CNTNAP5: variants seen among roughly 807,000 people sequenced by gnomAD.
The protein encoded by CNTNAP5 is contactin associated protein family member 5.
CNTNAP5 carries 72 observed loss-of-function variants against 150.2 expected under a neutral mutation model. The ratio of observed to expected loss-of-function variants is 0.48; its 90% CI spans 0.40 to 0.58. The LOEUF is 0.58. CNTNAP5 is among the 20% of genes least tolerant of loss of function. CNTNAP5 has a pLI of 0.00. For missense variants in CNTNAP5, 1,636 were observed against 1,626.2 expected, an observed-to-expected ratio of 1.01 and a Z score of -0.10; for synonymous variants, 672 against 619.8, an observed-to-expected ratio of 1.08 and a Z score of -1.25.
At chr2:124,091,025 GT>G (rs772960225) in intron 1 of CNTNAP5, among the ~76,000 whole-genome samples, 8 of 152,204 alleles carry the variant, frequency 5.3e-5, no homozygotes, top group African/African-American at 7.2e-5. Flanking sequence ...CCTGGGGGAA[GT>G]GTGGAGATTA....
rs560454502 is a variant in CNTNAP5, at chr2:124,312,712, A to G, written c.381+70319A>G. Among the ~76,000 whole-genome samples, 21 of 152,332 alleles carry G rather than the reference A, an allele frequency of 1.4e-4. 1 individual carries two copies. In the East Asian group the frequency reaches 4.1e-3, roughly 29 times the overall value. ...CAGCCTCCCGAGTAGCTGGGACTAC[A>G]GGCGCTCGCCACAGCACCCGGCTAA... On this transcript the variant is annotated intron_variant, in intron 3 of 23. Transcript: ENST00000682447.
At chr2:124,862,273 G>A (rs1256932389) in intron 19 of CNTNAP5, among the ~76,000 whole-genome samples, 1 of 152,164 alleles carries the variant, frequency 6.6e-6, no homozygotes, top group Non-Finnish European at 1.5e-5. Flanking sequence ...ACAAGAAAAT[G>A]ATACCAAATA....
At chr2:124,847,283 C>A in intron 19 of CNTNAP5, among the ~76,000 whole-genome samples, 1 of 152,146 alleles carries the variant, frequency 6.6e-6, no homozygotes, top group East Asian at 1.9e-4. Flanking sequence ...GCAGGGCTTG[C>A]TGCAGCTGCT....
At chr2:124,291,154 T>A (rs993077449) in intron 3 of CNTNAP5, among the ~76,000 whole-genome samples, 19 of 152,186 alleles carry the variant, frequency 1.2e-4, no homozygotes, top group African/African-American at 2.4e-4. Flanking sequence ...ATAATTTGAT[T>A]TGCGTATATA....
intron 20 of CNTNAP5, among the ~76,000 whole-genome samples, chr2:124,867,184 C>T (rs568212089): frequency 6.6e-6 from 1 of 152,218 alleles, no homozygotes; most frequent in South Asian, 2.1e-4. Context: ...ATAATTATTA[C>T]ATGCATTAAG....
chr2:124,629,963 A>G (rs2105008015), intron 12 of CNTNAP5, among the ~76,000 whole-genome samples: 1 of 147,444 alleles, frequency 6.8e-6, no homozygotes, highest in East Asian at 2.0e-4. Flanking sequence ...AAACTGGAAA[A>G]CCTGGAAGAA....
At chr2:124,225,612 T>G (rs549839576) in intron 2 of CNTNAP5, among the ~76,000 whole-genome samples, 32 of 152,304 alleles carry the variant, frequency 2.1e-4, no homozygotes, top group African/African-American at 7.5e-4. Flanking sequence ...CTCATGTAGT[T>G]ATCCTTTTCT....
At chr2:124,653,488 T>C (rs186905752) in intron 13 of CNTNAP5, among the ~76,000 whole-genome samples, 15 of 151,946 alleles carry the variant, frequency 9.9e-5, no homozygotes, top group African/African-American at 3.4e-4. Context: ...TGCTATGTCA[T>C]ATTTGTCCAT....
At chr2:124,798,810 C>T (rs1681903383) in intron 19 of CNTNAP5, among the ~76,000 whole-genome samples, 1 of 151,980 alleles carries the variant, frequency 6.6e-6, no homozygotes, top group African/African-American at 2.4e-5. Context: ...AGGTGGCTTG[C>T]TTCTGGGAAT....
chr2:124,438,570 C>A (rs1692594343), intron 5 of CNTNAP5, among the ~76,000 whole-genome samples: 1 of 152,102 alleles, frequency 6.6e-6, no homozygotes, highest in Non-Finnish European at 1.5e-5. Flanking sequence ...CTGAGGAGCA[C>A]CTGGGGGCCG....
intron 6 of CNTNAP5, among the ~76,000 whole-genome samples, chr2:124,459,081 C>CTAGGTAT (rs1335739665): frequency 6.6e-6 from 1 of 152,172 alleles, no homozygotes; most frequent in Non-Finnish European, 1.5e-5. Flanking sequence ...CAAATGTGTG[C>CTAGGTAT]AATGGAATAT....
intron 6 of CNTNAP5, among the ~76,000 whole-genome samples, chr2:124,452,731 A>G (rs927946317): frequency 3.3e-5 from 5 of 152,178 alleles, no homozygotes; most frequent in African/African-American, 1.2e-4. Flanking sequence ...GTACCAGCAC[A>G]GAGCCTGGTA....
At chr2:124,225,094 G>A (rs188195302) in intron 2 of CNTNAP5, among the ~76,000 whole-genome samples, 10 of 152,066 alleles carry the variant, frequency 6.6e-5, no homozygotes, top group African/African-American at 1.2e-4. Context: ...GCATCTCTCC[G>A]GATGGTGAGA....
At chr2:124,099,795 G>A (rs1683023682) in intron 1 of CNTNAP5, among the ~76,000 whole-genome samples, 1 of 152,080 alleles carries the variant, frequency 6.6e-6, no homozygotes, top group Non-Finnish European at 1.5e-5. Flanking sequence ...GAACAAGGCG[G>A]GGGGCAGGGG....
intron 3 of CNTNAP5, among the ~76,000 whole-genome samples, chr2:124,319,995 T>C (rs976213122): frequency 6.6e-6 from 1 of 152,242 alleles, no homozygotes; most frequent in Non-Finnish European, 1.5e-5. Flanking sequence ...TCAATAGATA[T>C]GATACCAACT....
intron 11 of CNTNAP5, among the ~76,000 whole-genome samples, chr2:124,592,326 T>G (rs1696704308): frequency 6.6e-6 from 1 of 151,840 alleles, no homozygotes; most frequent in Non-Finnish European, 1.5e-5. Context: ...GTATGATTTT[T>G]GCATTCCCTC....
chr2:124,526,318 C>G (rs1694965829), intron 9 of CNTNAP5, among the ~76,000 whole-genome samples: 1 of 152,108 alleles, frequency 6.6e-6, no homozygotes, highest in Non-Finnish European at 1.5e-5. Context: ...TAAATTCTCT[C>G]TACAGCTTCA....
intron 3 of CNTNAP5, among the ~76,000 whole-genome samples, chr2:124,295,609 CTT>C (rs1458926837): frequency 6.6e-6 from 1 of 152,198 alleles, no homozygotes; most frequent in Non-Finnish European, 1.5e-5. Context: ...CATTAATTGA[CTT>C]AAAAATAATT....
At chr2:124,504,701 GC>G in intron 8 of CNTNAP5, 145 bp downstream of exon 8, 2 of 593,836 alleles carry the variant, frequency 3.4e-6, no homozygotes, top group Non-Finnish European at 5.4e-6. Flanking sequence ...TGAAGAGGCA[GC>G]ATTTTTTTTT....
Sources: gnomAD v4.1 joint callset for allele counts (sites outside exome capture counted in the v4.1 genomes callset) on GRCh38, gnomAD v4.1.1 for gene constraint, MANE v1.5 for transcripts, NCBI Gene and HGNC (gene_info 2026-07-23, HGNC 2026-07-21) for gene names.